The following NAALADL2 variants were observed in gnomAD, a reference collection of about 807,000 sequenced individuals.
NAALADL2 encodes the protein N-acetylated alpha-linked acidic dipeptidase like 2, also known as inactive N-acetylated-alpha-linked acidic dipeptidase-like protein 2.
NAALADL2 carries 76 observed loss-of-function variants against 87.2 expected under a neutral mutation model. That is an observed-to-expected ratio of 0.87 (90% CI 0.72 to 1.05). The LOEUF is 1.05. NAALADL2 is among the 50% of genes least tolerant of loss of function. The pLI, the probability that NAALADL2 is intolerant of heterozygous loss-of-function variation, is 0.00. For missense variants in NAALADL2, 1,089 were observed against 945.8 expected, an observed-to-expected ratio of 1.15 and a Z score of -1.99; for synonymous variants, 354 against 331.0, an observed-to-expected ratio of 1.07 and a Z score of -0.75.
chr3:175,454,360 A>G (rs1160949330), intron 6 of NAALADL2, among the ~76,000 whole-genome samples: 1 of 152,080 alleles, frequency 6.6e-6, no homozygotes, highest in East Asian at 1.9e-4. Flanking sequence ...AGAAATTACA[A>G]CTTCTTAGAG....
intron 2 of NAALADL2, among the ~76,000 whole-genome samples, chr3:174,599,632 G>C (rs1423477140): frequency 6.6e-6 from 1 of 152,134 alleles, no homozygotes; most frequent in Admixed American, 6.6e-5. Context: ...AAATATGTGG[G>C]GAAATATAAA....
intron 13 of NAALADL2, 78 bp downstream of exon 13, chr3:175,755,496 C>A: frequency 9.4e-7 from 1 of 1,061,596 alleles, no homozygotes; most frequent in Non-Finnish European, 1.3e-6. Flanking sequence ...TACATACCTT[C>A]TATGAACATA....
chr3:175,599,355 G>T (rs1313742987), intron 10 of NAALADL2, among the ~76,000 whole-genome samples: 2 of 151,926 alleles, frequency 1.3e-5, no homozygotes, highest in African/African-American at 4.8e-5. Flanking sequence ...AACATTTATA[G>T]AGTAATTACT....
chr3:174,654,452 A>C (rs1474418719), intron 2 of NAALADL2, among the ~76,000 whole-genome samples: 1 of 152,082 alleles, frequency 6.6e-6, no homozygotes, highest in Non-Finnish European at 1.5e-5. Flanking sequence ...ATTACTAGGG[A>C]GTTTTCTTTT....
At chr3:175,316,880 A>G (rs1252260697) in intron 4 of NAALADL2, among the ~76,000 whole-genome samples, 4 of 152,134 alleles carry the variant, frequency 2.6e-5, no homozygotes, top group African/African-American at 7.2e-5. Context: ...AAAATAGATA[A>G]TTTCTGAAAT....
chr3:175,520,563 G>T (rs1732509780), intron 9 of NAALADL2, among the ~76,000 whole-genome samples: 1 of 152,150 alleles, frequency 6.6e-6, no homozygotes, highest in South Asian at 2.1e-4. Context: ...CTCCCAAAGT[G>T]TTGGGATTAC....
At chr3:175,405,133 A>T (rs529440313) in intron 5 of NAALADL2, among the ~76,000 whole-genome samples, 153 of 152,282 alleles carry the variant, frequency 1.0e-3, no homozygotes, top group Non-Finnish European at 1.7e-3. Flanking sequence ...TGTCTATATT[A>T]GCAATAGAAG....
intron 2 of NAALADL2, among the ~76,000 whole-genome samples, chr3:174,683,712 C>T (rs1215196173): frequency 1.4e-5 from 1 of 71,352 alleles, no homozygotes; most frequent in Non-Finnish European, 2.8e-5. Context: ...GGAACCTTGC[C>T]CTGCAAAATA....
chr3:174,735,871 C>G (rs944519377), intron 2 of NAALADL2, among the ~76,000 whole-genome samples: 7 of 152,206 alleles, frequency 4.6e-5, no homozygotes, highest in Admixed American at 2.6e-4. Context: ...CCCACTTGAC[C>G]TGGCAGGCTG....
At chr3:175,479,842 A>G (rs867399492) in intron 9 of NAALADL2, among the ~76,000 whole-genome samples, 1 of 151,762 alleles carries the variant, frequency 6.6e-6, no homozygotes, top group Non-Finnish European at 1.5e-5. Context: ...GCAGCAGAAC[A>G]TTAAGCTATT....
intron 2 of NAALADL2, among the ~76,000 whole-genome samples, chr3:174,656,940 C>T (rs1328296645): frequency 6.6e-6 from 1 of 151,826 alleles, no homozygotes; most frequent in Non-Finnish European, 1.5e-5. Flanking sequence ...TCTCAAACAT[C>T]ATATGCTTTC....
Position 174,775,339 on chromosome 3 carries a change from T to A in NAALADL2, c.-9+37593T>A, listed in dbSNP as rs149429241. ...GCCTCTGCAAACCACTAATCTACTT[T>A]CTGTCTCTATAGTTTTGCCTATTCT... On this transcript the variant is annotated intron_variant, in intron 3 of 3. Coordinates refer to the NAALADL2 transcript ENST00000434257. 2.2e-3 allele frequency among the ~76,000 whole-genome samples: 333 copies of A among 152,210 alleles called. 1 individual carries two copies. The highest frequency in any genetic ancestry group is 7.7e-3 in the African/African-American group (321 of 41,538).
chr3:174,793,556 A>G (rs192480281), intron 3 of NAALADL2, among the ~76,000 whole-genome samples: 6 of 152,284 alleles, frequency 3.9e-5, no homozygotes, highest in African/African-American at 7.2e-5. Context: ...AGTTCTGAGT[A>G]TAGTAAGTTG....
intron 1 of NAALADL2, among the ~76,000 whole-genome samples, chr3:174,894,955 G>T (rs1188226136): frequency 6.6e-6 from 1 of 151,880 alleles, no homozygotes; most frequent in East Asian, 1.9e-4. Flanking sequence ...AAATCAAGAA[G>T]GAAAGTGATA....
At chr3:175,055,986 A>G (rs1319731724) in intron 1 of NAALADL2, among the ~76,000 whole-genome samples, 1 of 152,158 alleles carries the variant, frequency 6.6e-6, no homozygotes, top group Non-Finnish European at 1.5e-5. Context: ...TGGGCGGTGT[A>G]TTCTAACAGG....
At chr3:175,397,540 G>A (rs1244860587) in intron 5 of NAALADL2, among the ~76,000 whole-genome samples, 1 of 152,144 alleles carries the variant, frequency 6.6e-6, no homozygotes, top group Non-Finnish European at 1.5e-5. Context: ...GGAAGGCTGA[G>A]CAGCAGTGAC....
chr3:174,745,747 T>G (rs1245541440), intron 3 of NAALADL2, among the ~76,000 whole-genome samples: 1 of 152,080 alleles, frequency 6.6e-6, no homozygotes, highest in East Asian at 1.9e-4. Context: ...TCCAATACGA[T>G]CAAGTCAGCT....
intron 1 of NAALADL2, among the ~76,000 whole-genome samples, chr3:174,453,394 C>A (rs1244486214): frequency 8.9e-6 from 1 of 112,674 alleles, no homozygotes; most frequent in Non-Finnish European, 1.8e-5. Context: ...GAGAGGCCAA[C>A]ATTCAAATTC....
intron 2 of NAALADL2, among the ~76,000 whole-genome samples, chr3:175,191,882 A>G (rs9832718): frequency 0.029 from 4,485 of 152,250 alleles, 201 homozygotes; most frequent in African/African-American, 0.1. Context: ...TAGGTTTAAG[A>G]GTATCCCCAT....
Sources: allele counts gnomAD v4.1 joint callset (sites outside exome capture counted in the v4.1 genomes callset), GRCh38; gene constraint gnomAD v4.1.1; transcripts MANE v1.5; gene names NCBI Gene and HGNC (gene_info 2026-07-23, HGNC 2026-07-21).